VAPA: variants seen among roughly 807,000 people sequenced by gnomAD.
The protein encoded by VAPA is vesicle-associated membrane protein-associated protein A.
VAPA carries 6 observed loss-of-function variants against 25.6 expected under a neutral mutation model. The observed-to-expected ratio is 0.23, with a 90% CI of 0.13 to 0.46. VAPA has a LOEUF of 0.46. Among genes scored for constraint, VAPA ranks in the 20% least tolerant of loss-of-function variants. The pLI is 0.99. For missense variants in VAPA, 244 were observed against 302.1 expected, an observed-to-expected ratio of 0.81 and a Z score of 1.43; for synonymous variants, 112 against 106.2, an observed-to-expected ratio of 1.05 and a Z score of -0.34.
In VAPA at chr18:9,914,209, C is replaced by T. The variant is rs777362245; in HGVS notation, c.-48C>T. The T allele has an allele frequency of 6.5e-6, 10 of 1,530,798 alleles. No homozygotes were observed. In the Admixed American group the frequency reaches 1.9e-4, roughly 29 times the overall value. The allele number at this position is 1,530,798 out of a possible 1,614,324, so 94.8% of individuals were successfully genotyped here. A position where few individuals can be genotyped will look rare whatever the true frequency, so the allele number is the denominator to read the frequency against. Reference sequence around the variant, plus strand: ...GCCGCCGTCGTCCCCCGCCCCCAGTCAGCAAACCGCCGCCGCGGGCGCGCC... The same window carrying T: ...GCCGCCGTCGTCCCCCGCCCCCAGTTAGCAAACCGCCGCCGCGGGCGCGCC... On this transcript the variant is annotated 5_prime_UTR_variant, in exon 1 of 6. Transcript: ENST00000400000.
intron 1 of VAPA, chr18:9,924,167 A>C (rs796473561): frequency 1.2e-4 from 19 of 152,204 alleles, no homozygotes; most frequent in African/African-American, 3.6e-4. Context: ...CCCCTAGCAA[A>C]AACTTTAGAT....
At chr18:9,919,218 C>T (rs1041898658) in intron 1 of VAPA, among the ~76,000 whole-genome samples, 1 of 152,220 alleles carries the variant, frequency 6.6e-6, no homozygotes, top group African/African-American at 2.4e-5. Flanking sequence ...TGATTACTCA[C>T]ACCAGAAACA....
At chr18:9,923,766 G>A (rs2069176590) in intron 1 of VAPA, among the ~76,000 whole-genome samples, 1 of 152,048 alleles carries the variant, frequency 6.6e-6, no homozygotes, top group Admixed American at 6.6e-5. Context: ...AAAATCTGTG[G>A]TTCTGAATTT....
chr18:9,958,987 A>T lies in VAPA; in HGVS notation c.*4776A>T, dbSNP rs1031010672. On this transcript the variant is annotated 3_prime_UTR_variant, in exon 6 of 6. Transcript: ENST00000400000. ...AAGCAAAAGGTGGTTTTCAAGTATA[A>T]TGTCGTTTTCAACATGCTTATTACT... 6.6e-6 allele frequency: 1 copy of T among 152,210 alleles called. No individual in the cohort carries two copies. Among genetic ancestry groups the T allele is most frequent in the Non-Finnish European group, 1.5e-5 (1 of 68,020 alleles). The allele number at this position is 152,210 out of a possible 1,614,324, so 9.4% of individuals were successfully genotyped here.
chr18:9,925,938 AT>A (rs2069196968), intron 1 of VAPA, among the ~76,000 whole-genome samples: 1 of 152,158 alleles, frequency 6.6e-6, no homozygotes, highest in African/African-American at 2.4e-5. Context: ...TACGTACAAA[AT>A]TTATGAGAGT....
intron 4 of VAPA, 107 bp downstream of exon 4, chr18:9,937,173 C>A: frequency 1.7e-5 from 11 of 650,760 alleles, no homozygotes; most frequent in East Asian, 7.4e-5. Flanking sequence ...ATGGCTATTA[C>A]ACTTCATAAG....
At chr18:9,934,215 CCT>C (rs1222275948) in intron 2 of VAPA, among the ~76,000 whole-genome samples, 2 of 152,194 alleles carry the variant, frequency 1.3e-5, no homozygotes, top group African/African-American at 4.8e-5. Flanking sequence ...TCTCTTTTTC[CCT>C]GTGTCCTTTT....
At chr18:9,946,302 C>CTT (rs990714801) in intron 4 of VAPA, among the ~76,000 whole-genome samples, 9 of 152,158 alleles carry the variant, frequency 5.9e-5, no homozygotes, top group African/African-American at 2.2e-4. Flanking sequence ...AGGCTACAGA[C>CTT]TTGTATAGCC....
chr18:9,924,469 A>G (rs925993659), intron 1 of VAPA, among the ~76,000 whole-genome samples: 1 of 152,170 alleles, frequency 6.6e-6, no homozygotes, highest in Admixed American at 6.5e-5. Flanking sequence ...GTTGCAAATC[A>G]AAGTGTTCCA....
chr18:9,944,863 T>C, intron 4 of VAPA: 1 of 1,569,360 alleles, frequency 6.4e-7, no homozygotes, highest in Non-Finnish European at 8.7e-7. Context: ...ATTCCCAATA[T>C]CATGCAGAAG....
chr18:9,947,898 C>T (rs1040582604), intron 4 of VAPA: 3 of 152,070 alleles, frequency 2.0e-5, no homozygotes, highest in African/African-American at 4.8e-5. Flanking sequence ...ATTACATATA[C>T]ATATATAGCA....
At chr18:9,949,174 G>A (rs1172166209) in intron 4 of VAPA, 3 of 152,150 alleles carry the variant, frequency 2.0e-5, no homozygotes, top group Admixed American at 2.0e-4. Context: ...ATTGGTTGGG[G>A]TGGGAGAAAT....
Position 9,959,698 on chromosome 18 carries a change from AGAGT to A in VAPA, c.*5492_*5495del, listed in dbSNP as rs1338348237. The A allele has an allele frequency of 3.2e-4, 45 of 138,570 alleles. 1 individual carries two copies. Among genetic ancestry groups the A allele is most frequent in the Admixed American group, 1.0e-3 (13 of 12,784 alleles). The allele number at this position is 138,570 out of a possible 1,614,324, so 8.6% of individuals were successfully genotyped here. ...AATACAATGTGTGTGTGTGAGAGAG[AGAGT>A]GAGTTACTGACATTGTTCCAAAAAA... On this transcript the variant is annotated 3_prime_UTR_variant, in exon 6 of 6. Coordinates refer to ENST00000400000, the MANE Select transcript of VAPA (RefSeq NM_194434.3).
chr18:9,947,489 CAGAT>C (rs1407279188), intron 4 of VAPA: 3 of 152,170 alleles, frequency 2.0e-5, no homozygotes, highest in African/African-American at 4.8e-5. Context: ...CTGGACAACT[CAGAT>C]GGAGGATTAC....
rs1041926005 is a variant in VAPA at position 9,956,736 on chromosome 18, T to C, written c.*2525T>C. The C allele has an allele frequency of 3.3e-5, 5 of 152,604 alleles. No individual in the cohort carries two copies. Among genetic ancestry groups the C allele is most frequent in the Admixed American group, 1.3e-4 (2 of 15,280 alleles). 9.5% of individuals were successfully genotyped at this position (152,604 alleles called of 1,614,324 possible). A position where few individuals can be genotyped will look rare whatever the true frequency, so the allele number is the denominator to read the frequency against. Reference sequence around the variant, plus strand: ...TTAAATTGTTTGTCTTCATTCCTTATATGTTTAGAAGTTTTTGCTTTGTCT... The same window carrying C: ...TTAAATTGTTTGTCTTCATTCCTTACATGTTTAGAAGTTTTTGCTTTGTCT... On this transcript the variant is annotated 3_prime_UTR_variant, in exon 6 of 6. Transcript: ENST00000400000.
At chr18:9,924,043 A>G (rs557221763) in intron 1 of VAPA, 5 of 152,408 alleles carry the variant, frequency 3.3e-5, no homozygotes, top group African/African-American at 1.2e-4. Flanking sequence ...TCACAAAATA[A>G]CCTCTGTTAA....
intron 1 of VAPA, among the ~76,000 whole-genome samples, chr18:9,928,752 G>A (rs2069224369): frequency 6.6e-6 from 1 of 152,170 alleles, no homozygotes; most frequent in Non-Finnish European, 1.5e-5. Flanking sequence ...CTCATTTTAA[G>A]TGTAAATGTT....
chr18:9,927,732 A>C (rs1201407103), intron 1 of VAPA, among the ~76,000 whole-genome samples: 1 of 152,108 alleles, frequency 6.6e-6, no homozygotes, highest in African/African-American at 2.4e-5. Context: ...GTCAGGCTCT[A>C]AGTTTTTTTA....
intron 1 of VAPA, among the ~76,000 whole-genome samples, chr18:9,931,562 C>CT (rs1446130662): frequency 2.6e-5 from 4 of 152,120 alleles, no homozygotes; most frequent in Non-Finnish European, 2.9e-5. Flanking sequence ...TTTCATAGTA[C>CT]TTTTTTGATA....
Sources: allele counts gnomAD v4.1 joint callset (sites outside exome capture counted in the v4.1 genomes callset), GRCh38; gene constraint gnomAD v4.1.1; transcripts MANE v1.5; gene names NCBI Gene and HGNC (gene_info 2026-07-23, HGNC 2026-07-21).